ASTN2: variants seen among roughly 807,000 people sequenced by gnomAD.
ASTN2 encodes the protein astrotactin 2, also known as astrotactin-2.
Under a neutral mutation model 139.8 loss-of-function variants are expected in ASTN2, and 54 were observed. The ratio of observed to expected loss-of-function variants is 0.39; its 90% CI spans 0.31 to 0.48. The LOEUF (loss-of-function observed/expected upper bound fraction) is 0.48, where lower values mean the gene tolerates loss of function less well. Ranked by LOEUF, ASTN2 falls within the 20% of genes least tolerant of loss-of-function variation. The pLI, the probability that ASTN2 is intolerant of heterozygous loss-of-function variation, is 0.95. For missense variants in ASTN2, 1,565 were observed against 1,725.1 expected, an observed-to-expected ratio of 0.91 and a Z score of 1.64; for synonymous variants, 756 against 719.5, an observed-to-expected ratio of 1.05 and a Z score of -0.81.
chr9:117,009,747 T>C (rs1475704021), intron 6 of ASTN2, among the ~76,000 whole-genome samples: 1 of 152,188 alleles, frequency 6.6e-6, no homozygotes, highest in Non-Finnish European at 1.5e-5. Flanking sequence ...CAGACTCAGT[T>C]AATAAGAATC....
chr9:116,977,670 G>T (rs1412416698), intron 7 of ASTN2, among the ~76,000 whole-genome samples: 1 of 150,180 alleles, frequency 6.7e-6, no homozygotes, highest in Admixed American at 6.6e-5. Context: ...CCCAGCTGTT[G>T]TCATATCTGC....
chr9:116,736,380 T>A (rs1828925942), intron 13 of ASTN2, among the ~76,000 whole-genome samples: 1 of 152,180 alleles, frequency 6.6e-6, no homozygotes, highest in South Asian at 2.1e-4. Context: ...AGAGTCTTTG[T>A]TTGTCTAACA....
chr9:117,194,567 A>T (rs1193191050), intron 3 of ASTN2, among the ~76,000 whole-genome samples: 2 of 152,222 alleles, frequency 1.3e-5, no homozygotes, highest in African/African-American at 4.8e-5. Context: ...TCACTGTATA[A>T]AACATAGTTT....
intron 1 of ASTN2, among the ~76,000 whole-genome samples, chr9:117,328,619 A>G (rs935271383): frequency 6.6e-6 from 1 of 152,138 alleles, no homozygotes; most frequent in Non-Finnish European, 1.5e-5. Context: ...CACCACTCCT[A>G]TGCCTGAGAG....
intron 1 of ASTN2, among the ~76,000 whole-genome samples, chr9:117,323,023 C>T (rs1234555754): frequency 2.6e-5 from 4 of 152,028 alleles, no homozygotes; most frequent in East Asian, 1.9e-4. Flanking sequence ...AAAAATACTA[C>T]GGTATTCCAA....
At chr9:117,044,340 G>A (rs1433411994) in intron 5 of ASTN2, among the ~76,000 whole-genome samples, 4 of 152,196 alleles carry the variant, frequency 2.6e-5, no homozygotes, top group African/African-American at 9.7e-5. Context: ...GCGAATGCCT[G>A]AATCACCACA....
intron 1 of ASTN2, among the ~76,000 whole-genome samples, chr9:117,302,824 G>A (rs1453637671): frequency 6.6e-6 from 1 of 152,156 alleles, no homozygotes; most frequent in Non-Finnish European, 1.5e-5. Context: ...AGATGGGAGA[G>A]GCAAGGCTTA....
chr9:116,782,629 T>C (rs1038132170), intron 13 of ASTN2, among the ~76,000 whole-genome samples: 1 of 152,200 alleles, frequency 6.6e-6, no homozygotes, highest in Admixed American at 6.5e-5. Context: ...ATCTGCATAC[T>C]TGCCACTTTC....
At chr9:116,756,796 CACAT>C (rs1250634930) in intron 13 of ASTN2, among the ~76,000 whole-genome samples, 5 of 151,710 alleles carry the variant, frequency 3.3e-5, no homozygotes, top group Admixed American at 2.0e-4. Context: ...CACACACACA[CACAT>C]ACACACACAC....
chr9:116,449,521 G>C (rs1404075209), intron 20 of ASTN2, among the ~76,000 whole-genome samples: 2 of 152,176 alleles, frequency 1.3e-5, no homozygotes, highest in African/African-American at 4.8e-5. Flanking sequence ...TGGTAAGTTA[G>C]CATAATTGTT....
At chr9:116,577,216 A>T (rs922951501) in intron 19 of ASTN2, among the ~76,000 whole-genome samples, 2 of 152,228 alleles carry the variant, frequency 1.3e-5, no homozygotes, top group African/African-American at 4.8e-5. Flanking sequence ...AGAGGCCAGT[A>T]AAATGGGAAG....
chr9:116,440,756 T>C lies in ASTN2; in HGVS notation c.3635A>G (p.Tyr1212Cys). ...CATCTGCTGCTCCTTTCCACTTGTGTACCCATTGTACAGATTGTAGATCTT... is the reference window on the plus strand; with the variant it reads ...CATCTGCTGCTCCTTTCCACTTGTGCACCCATTGTACAGATTGTAGATCTT... ...ADKIYNLYNGYTSGKEQQMAY... is the reference protein window; with the variant it reads ...ADKIYNLYNGCTSGKEQQMAY... The change falls in exon 22 of 23, where the codon TAC becomes TGC. Residue 1212 changes from tyrosine to cysteine, a missense_variant. Tyr to Cys is a radical substitution (Grantham distance 194, BLOSUM62 -2). Coordinates refer to ENST00000313400, the MANE Select transcript of ASTN2 (RefSeq NM_001365068.1). 6.2e-7 allele frequency: 1 copy of C among 1,614,152 alleles called. No individual in the cohort carries two copies.
At chr9:116,896,404 T>G (rs1160826053) in intron 10 of ASTN2, among the ~76,000 whole-genome samples, 1 of 152,282 alleles carries the variant, frequency 6.6e-6, no homozygotes, top group Non-Finnish European at 1.5e-5. Flanking sequence ...TGGCATTATC[T>G]TGGCCTACTC....
At chr9:116,811,451 C>T (rs1831165570) in intron 12 of ASTN2, among the ~76,000 whole-genome samples, 1 of 152,126 alleles carries the variant, frequency 6.6e-6, no homozygotes, top group South Asian at 2.1e-4. Flanking sequence ...GTTTGTTCCT[C>T]TTTTTCTAAT....
chr9:116,822,024 C>T (rs1831497097), intron 11 of ASTN2, among the ~76,000 whole-genome samples: 1 of 152,036 alleles, frequency 6.6e-6, no homozygotes, highest in South Asian at 2.1e-4. Context: ...CAAAGATTAA[C>T]ACCCAGAGCC....
intron 4 of ASTN2, among the ~76,000 whole-genome samples, chr9:117,131,137 T>C (rs2132837754): frequency 6.6e-6 from 1 of 152,310 alleles, no homozygotes; most frequent in East Asian, 1.9e-4. Context: ...TAATAGGGCC[T>C]ATGTGGACCA....
At chr9:116,686,680 T>C (rs2056762316) in intron 16 of ASTN2, 1 of 1,549,918 alleles carries the variant, frequency 6.5e-7, no homozygotes, top group African/African-American at 1.4e-5. Flanking sequence ...CTACACTTGG[T>C]TTGGGTTCCC....
intron 19 of ASTN2, among the ~76,000 whole-genome samples, chr9:116,517,969 C>T (rs1305417637): frequency 1.3e-5 from 2 of 152,214 alleles, no homozygotes; most frequent in Middle Eastern, 3.4e-3. Flanking sequence ...CAAAAAAGAA[C>T]TTCAAAAAAT....
chr9:117,066,619 G>A, intron 5 of ASTN2, among the ~76,000 whole-genome samples: 1 of 151,086 alleles, frequency 6.6e-6, no homozygotes, highest in Non-Finnish European at 1.5e-5. Flanking sequence ...GGTTGAACTA[G>A]TTTACAGTAC....
Sources: gnomAD v4.1 joint callset for allele counts (sites outside exome capture counted in the v4.1 genomes callset) on GRCh38, gnomAD v4.1.1 for gene constraint, MANE v1.5 for transcripts, NCBI Gene and HGNC (gene_info 2026-07-23, HGNC 2026-07-21) for gene names.